The following DOK7 variants were observed in gnomAD, a reference collection of about 807,000 sequenced individuals.
DOK7 encodes docking protein 7, also known as protein Dok-7.
In DOK7, 32 loss-of-function variants were observed where a neutral mutation model predicts 30.7. The ratio of observed to expected loss-of-function variants is 1.04; its 90% confidence interval spans 0.79 to 1.40. DOK7 has a LOEUF of 1.40. DOK7 is among the 40% of genes most tolerant of loss of function. The probability of loss-of-function intolerance (pLI) is 0.00; values close to 1 mark genes in which losing one functional copy is unlikely to be tolerated. For missense variants in DOK7, 1,007 were observed against 699.2 expected, an observed-to-expected ratio of 1.44 and a Z score of -4.97; for synonymous variants, 447 against 324.1, an observed-to-expected ratio of 1.38 and a Z score of -4.07.
chr4:3,491,281 TCCTCCGCCCCCCCGCTCATTCATTCCTG>T (rs1469125697), intron 6 of DOK7, among the ~76,000 whole-genome samples: 1 of 133,668 alleles, frequency 7.5e-6, no homozygotes, highest in African/African-American at 2.9e-5. Flanking sequence ...ATTCATTCCT[TCCTCCGCCCCCCCGCTCATTCATTCCTG>T]CCTTCTCCCC....
At chr4:3,490,412 C>T (rs1316970867) in intron 6 of DOK7, among the ~76,000 whole-genome samples, 1 of 63,032 alleles carries the variant, frequency 1.6e-5, no homozygotes, top group Non-Finnish European at 3.4e-5. Context: ...CTTTCACCCC[C>T]CCCACCGCCC....
downstream of DOK7, chr4:3,494,601 T>C (rs530052775): frequency 1.7e-5 from 15 of 867,244 alleles, no homozygotes; most frequent in African/African-American, 3.7e-5. Flanking sequence ...TCTCAGAGAG[T>C]GCGAGAGGCC....
At position 3,493,114 on chromosome 4, in the gene DOK7, A is replaced by T; in HGVS notation, c.1128A>T (p.Pro376=). The T allele has an allele frequency of 6.3e-7, 1 of 1,588,804 alleles. No individual in the cohort carries two copies. Among genetic ancestry groups the T allele is most frequent in the Non-Finnish European group, 8.5e-7 (1 of 1,170,984 alleles). ...AACTGGGCTCACTGCTCAGCCTGCCAGCAGCGGGGGCCCCCGAGCCCAGCC... is the reference window on the plus strand; with the variant it reads ...AACTGGGCTCACTGCTCAGCCTGCCTGCAGCGGGGGCCCCCGAGCCCAGCC... ...TDELGSLLSL[P]AAGAPEPSLC... The change falls in exon 7 of 7, where the codon CCA becomes CCT. Residue 376 remains proline (P), a synonymous_variant. Transcript: ENST00000340083.
chr4:3,500,246 C>G (rs377039397), intron 6 of DOK7: 20 of 1,535,104 alleles, frequency 1.3e-5, no homozygotes, highest in South Asian at 4.8e-5. Context: ...CCGCTCCCCC[C>G]ACAGGATCCC....
At chr4:3,489,906 A>C in intron 6 of DOK7, 110 bp downstream of exon 6, 8 of 1,464,982 alleles carry the variant, frequency 5.5e-6, no homozygotes, top group Non-Finnish European at 7.3e-6. Flanking sequence ...CTGCTCATTC[A>C]TTCATTCCTT....
At chr4:3,500,573 T>C (rs1416005626) in intron 7 of DOK7, 76 of 1,502,198 alleles carry the variant, frequency 5.1e-5, no homozygotes, top group Non-Finnish European at 6.7e-5. Context: ...CCACATCCCC[T>C]GAGGGTGTCC....
rs775074100 is a variant in DOK7, at chr4:3,493,469, T to G, written c.1483T>G (p.Cys495Gly). The G allele has an allele frequency of 9.3e-6, 15 of 1,611,040 alleles. No homozygotes were observed. The Admixed American group carries it at 2.3e-4, about 25-fold the overall frequency. ...GGCTTTCTTTTCGGCATGTCCAGTCTGTGGAGGACTCAAGGTAAACCCCCC... is the reference window on the plus strand; with the variant it reads ...GGCTTTCTTTTCGGCATGTCCAGTCGGTGGAGGACTCAAGGTAAACCCCCC... Reference protein sequence around the residue: ...PPAFFSACPVCGGLKVNPPP With the variant: ...PPAFFSACPVGGGLKVNPPP The change falls in exon 7 of 7, where the codon TGT becomes GGT. Residue 495 changes from cysteine (C) to glycine (G), a missense_variant. Physicochemically the swap from Cys to Gly is radical, Grantham distance 159 (BLOSUM62 -3). Transcript: ENST00000340083.
chr4:3,468,798 CTGTG>C (rs141434215), intron 2 of DOK7, among the ~76,000 whole-genome samples: 6 of 133,626 alleles, frequency 4.5e-5, no homozygotes, highest in South Asian at 4.8e-4. Context: ...TCATGTATGT[CTGTG>C]TGTGCCTGTG....
downstream of DOK7, among the ~76,000 whole-genome samples, chr4:3,497,311 G>A (rs371277289): frequency 1.3e-5 from 2 of 152,218 alleles, no homozygotes; most frequent in East Asian, 1.9e-4. Context: ...CTCAGACAGC[G>A]GTGGGGGCCT....
At chr4:3,486,934 G>A (rs1727840914) in intron 5 of DOK7, among the ~76,000 whole-genome samples, 1 of 152,156 alleles carries the variant, frequency 6.6e-6, no homozygotes, top group Admixed American at 6.5e-5. Flanking sequence ...CCGGGGAGCA[G>A]AGGGAAGCAG....
rs190097989 is a variant in DOK7 at position 3,482,892 on chromosome 4, C to T, written c.533-2647C>T. Among the ~76,000 whole-genome samples the T allele has an allele frequency of 5.5e-3, 840 of 152,186 alleles. 5 individuals carry two copies. Among genetic ancestry groups the T allele is most frequent in the Non-Finnish European group, 8.6e-3 (582 of 68,000 alleles). On this transcript the variant is annotated intron_variant, in intron 4 of 6. Coordinates refer to ENST00000340083, the MANE Select transcript of DOK7 (RefSeq NM_173660.5). ...CCGGCAAGGTGCTCAGCCTGGCAGCCGGGACGGCAGCAGGTGGGGCTGAAC... is the reference window on the plus strand; with the variant it reads ...CCGGCAAGGTGCTCAGCCTGGCAGCTGGGACGGCAGCAGGTGGGGCTGAAC...
Position 3,493,795 on chromosome 4 carries a change from T to G in DOK7, c.*294T>G. 6.0e-6 allele frequency: 8 copies of G among 1,337,446 alleles called. No homozygotes were observed. Among genetic ancestry groups the G allele is most frequent in the Non-Finnish European group, 7.7e-6 (8 of 1,045,404 alleles). 82.8% of individuals were successfully genotyped at this position (1,337,446 alleles called of 1,614,324 possible). The stretch of plus-strand genomic sequence containing the variant: ...CCCCCACCCCTGAGGATCAGGTGAG[T>G]GCTGCACCTCTGTTGGCTCGTGCCT... On this transcript the variant is annotated 3_prime_UTR_variant, in exon 7 of 7. Transcript: ENST00000340083.
chr4:3,478,197 G>A (rs1000403472), intron 4 of DOK7, among the ~76,000 whole-genome samples: 6 of 152,242 alleles, frequency 3.9e-5, no homozygotes, highest in Non-Finnish European at 8.8e-5. Flanking sequence ...CCGGGGCACA[G>A]CAGGAGGACC....
At chr4:3,489,991 C>CCCCGCTCATTCCTTCCTTCTCCT (rs1728100154) in intron 6 of DOK7, among the ~76,000 whole-genome samples, 195 bp downstream of exon 6, 3 of 140,126 alleles carry the variant, frequency 2.1e-5, no homozygotes, top group African/African-American at 5.3e-5. Flanking sequence ...TTCCCCACCA[C>CCCCGCTCATTCCTTCCTTCTCCT]CCTGCTCATT....
downstream of DOK7, among the ~76,000 whole-genome samples, chr4:3,496,075 C>T (rs1728894745): frequency 6.6e-6 from 1 of 152,230 alleles, no homozygotes; most frequent in African/African-American, 2.4e-5. Flanking sequence ...TGCCGGAACC[C>T]ATGTGGGACA....
intron 4 of DOK7, among the ~76,000 whole-genome samples, chr4:3,482,515 C>T (rs1727494411): frequency 6.6e-6 from 1 of 152,244 alleles, no homozygotes; most frequent in Admixed American, 6.5e-5. Context: ...GAGAGCATCC[C>T]TCATGCCACT....
intron 5 of DOK7, among the ~76,000 whole-genome samples, chr4:3,489,111 G>A (rs1049841428): frequency 9.2e-5 from 14 of 152,184 alleles, no homozygotes; most frequent in Non-Finnish European, 1.8e-4. Flanking sequence ...CTCCCTGGAT[G>A]CAGCCCTGAG....
At chr4:3,498,014 G>A (rs1371872285), downstream of DOK7, among the ~76,000 whole-genome samples, 1 of 152,192 alleles carries the variant, frequency 6.6e-6, no homozygotes, top group African/African-American at 2.4e-5. Flanking sequence ...GTATCTGCTG[G>A]AGGATGTGAA....
chr4:3,494,655 G>A (rs1728799705), downstream of DOK7, among the ~76,000 whole-genome samples: 3 of 151,542 alleles, frequency 2.0e-5, no homozygotes, highest in South Asian at 6.2e-4. Flanking sequence ...GTGGTGTGCG[G>A]AGAGGCAGCT....
Sources: allele counts gnomAD v4.1 joint callset (sites outside exome capture counted in the v4.1 genomes callset), GRCh38; gene constraint gnomAD v4.1.1; transcripts MANE v1.5; gene names NCBI Gene and HGNC (gene_info 2026-07-23, HGNC 2026-07-21).